Variants in IL16 observed in about 807,000 individuals in gnomAD.
IL16 encodes the protein interleukin 16.
A neutral mutation model predicts 110.1 loss-of-function variants in IL16; 67 were observed. That is an observed-to-expected ratio of 0.61 (90% confidence interval 0.50 to 0.75). The LOEUF (loss-of-function observed/expected upper bound fraction) is 0.75, where lower values mean the gene tolerates loss of function less well. IL16 is among the 30% of genes least tolerant of loss of function. IL16 has a pLI of 0.00. For synonymous variants in IL16, 689 were observed against 662.9 expected (o/e 1.04, Z -0.61); for missense variants, 1,545 against 1,655.0 (o/e 0.93, Z 1.15).
At chr15:81,253,065 C>T (rs1897824200) in intron 2 of IL16, among the ~76,000 whole-genome samples, 1 of 152,110 alleles carries the variant, frequency 6.6e-6, no homozygotes, top group Admixed American at 6.6e-5. Flanking sequence ...TTTCCAAACC[C>T]CCTGCTCCAT....
upstream of IL16, among the ~76,000 whole-genome samples, chr15:81,192,056 T>C (rs1197316360): frequency 6.6e-6 from 1 of 152,194 alleles, no homozygotes; most frequent in African/African-American, 2.4e-5. Flanking sequence ...TCCATAACGC[T>C]ATGCACTTGT....
chr15:81,203,503 G>A (rs1208445927), intron 1 of IL16, among the ~76,000 whole-genome samples: 2 of 151,806 alleles, frequency 1.3e-5, no homozygotes, highest in African/African-American at 4.8e-5. Flanking sequence ...TTTGTATAAG[G>A]TGTAAGGAAG....
chr15:81,185,447 C>T (rs1223720456), intron 1 of IL16, among the ~76,000 whole-genome samples: 1 of 151,394 alleles, frequency 6.6e-6, no homozygotes, highest in Non-Finnish European at 1.5e-5. Context: ...CCTCAACCTC[C>T]TGGGTTCAAG....
chr15:81,189,618 C>A (rs1895468980), intron 1 of IL16, among the ~76,000 whole-genome samples: 2 of 152,090 alleles, frequency 1.3e-5, no homozygotes, highest in South Asian at 4.1e-4. Context: ...GAGGGGGTGT[C>A]AGGGAAGTCT....
intron 11 of IL16, among the ~76,000 whole-genome samples, chr15:81,291,435 A>T (rs1899712305): frequency 6.6e-6 from 1 of 151,882 alleles, no homozygotes. Flanking sequence ...AGGATGCATT[A>T]TTTCATGATC....
Position 81,300,280 on chromosome 15 carries a change from G to T in IL16, c.2954G>T (p.Ser985Ile). ...CETKLLDEKT[S>I]KLYSISSQVS... ...ACGAAGCTACTTGACGAAAAGACCA[G>T]CAAACTCTATTCTATCAGCAGCCAA... The change falls in exon 14 of 19, where the codon AGC (serine) becomes ATC (isoleucine). Residue 985 changes from serine to isoleucine, a missense_variant. By Grantham distance (142) the Ser-to-Ile change is moderately radical. This residue lies in a region of IL16 where 1,185 missense variants were observed against 1,238.8 expected (regional missense o/e 0.96). Coordinates refer to ENST00000683961, the MANE Select transcript of IL16 (RefSeq NM_172217.5). 6.2e-7 allele frequency: 1 copy of T among 1,614,196 alleles called. No homozygotes were observed. Among genetic ancestry groups the T allele is most frequent in the Non-Finnish European group, 8.5e-7 (1 of 1,180,054 alleles).
Position 81,313,359 on chromosome 15 carries a change from A to G in IL16, c.*4561A>G. ...CACGTTCTGTGGGAGGTAACCGCTG[A>G]GGTCGGTATGGAAGAATGTGACCAG... On this transcript the variant is annotated 3_prime_UTR_variant, in exon 19 of 19. Coordinates refer to ENST00000683961, the MANE Select transcript of IL16 (RefSeq NM_172217.5). The G allele has an allele frequency of 6.3e-7, 1 of 1,580,370 alleles. No homozygotes were observed. The highest frequency in any genetic ancestry group is 8.6e-7 in the Non-Finnish European group (1 of 1,163,332).
intron 1 of IL16, among the ~76,000 whole-genome samples, chr15:81,210,124 T>A (rs1896183288): frequency 6.6e-6 from 1 of 152,156 alleles, no homozygotes; most frequent in South Asian, 2.1e-4. Context: ...AAATAAGGAG[T>A]CCTTTCCCCA....
intron 1 of IL16, among the ~76,000 whole-genome samples, chr15:81,215,490 T>C (rs540065377): frequency 6.6e-6 from 1 of 152,262 alleles, no homozygotes; most frequent in African/African-American, 2.4e-5. Context: ...CTCTTTTGTA[T>C]CTCCTCATGT....
At chr15:81,260,170 C>T (rs1898100253) in intron 3 of IL16, among the ~76,000 whole-genome samples, 1 of 152,194 alleles carries the variant, frequency 6.6e-6, no homozygotes, top group African/African-American at 2.4e-5. Flanking sequence ...GGGAAGGCTT[C>T]TGTCTCTTAG....
In IL16 at chr15:81,311,475, C is replaced by G. The variant is rs545524966; in HGVS notation, c.*2677C>G. ...GGATGCATGTTTTCCAGCTCCTCATCCAGGGCTCTGACCAGTTTAACCTGA... is the reference window on the plus strand; with the variant it reads ...GGATGCATGTTTTCCAGCTCCTCATGCAGGGCTCTGACCAGTTTAACCTGA... On this transcript the variant is annotated 3_prime_UTR_variant, in exon 19 of 19. Transcript: ENST00000683961. The G allele has an allele frequency of 6.6e-6, 1 of 152,398 alleles. No homozygotes were observed. Among genetic ancestry groups the G allele is most frequent in the South Asian group, 2.1e-4 (1 of 4,830 alleles). The allele number at this position is 152,398 out of a possible 1,614,324, so 9.4% of individuals were successfully genotyped here.
intron 2 of IL16, among the ~76,000 whole-genome samples, chr15:81,237,557 T>C (rs1483254666): frequency 8.5e-5 from 13 of 152,334 alleles, no homozygotes; most frequent in Non-Finnish European, 1.5e-5. Context: ...GTGTCAATTA[T>C]CAAGTTTAAG....
intron 1 of IL16, among the ~76,000 whole-genome samples, chr15:81,184,489 G>A (rs1895389734): frequency 6.6e-6 from 1 of 152,142 alleles, no homozygotes; most frequent in Non-Finnish European, 1.5e-5. Flanking sequence ...CATTGCTTGT[G>A]GGCTGCCCCT....
intron 8 of IL16, among the ~76,000 whole-genome samples, chr15:81,280,819 G>A (rs575928058): frequency 3.3e-5 from 5 of 152,324 alleles, no homozygotes; most frequent in Middle Eastern, 3.4e-3. Context: ...AGACAAGTCT[G>A]TGCTGGCATG....
chr15:81,229,207 T>C (rs1008397399), intron 2 of IL16, among the ~76,000 whole-genome samples: 9 of 152,166 alleles, frequency 5.9e-5, no homozygotes, highest in African/African-American at 2.2e-4. Context: ...GGATCATTCT[T>C]ATTTCTGATG....
At chr15:81,244,637 G>A (rs896894189) in intron 2 of IL16, among the ~76,000 whole-genome samples, 8 of 152,044 alleles carry the variant, frequency 5.3e-5, no homozygotes, top group African/African-American at 1.9e-4. Context: ...AGTTTTTAAA[G>A]TTAAATTATA....
intron 7 of IL16, 71 bp downstream of exon 7, chr15:81,278,961 C>G (rs1899041253): frequency 1.0e-6 from 1 of 995,202 alleles, no homozygotes; most frequent in Non-Finnish European, 1.6e-6. Context: ...TCTCAGCATC[C>G]AAACCTACAA....
chr15:81,288,645 A>C (rs1899560057), intron 10 of IL16, among the ~76,000 whole-genome samples: 1 of 152,138 alleles, frequency 6.6e-6, no homozygotes, highest in African/African-American at 2.4e-5. Flanking sequence ...CCTGGGAACC[A>C]CCATTTTACT....
Position 81,299,444 on chromosome 15 carries a change from T to C in IL16, c.2118T>C (p.Phe706=). The C allele has an allele frequency of 6.2e-7, 1 of 1,614,150 alleles. No individual in the cohort carries two copies. Among genetic ancestry groups the C allele is most frequent in the Non-Finnish European group, 8.5e-7 (1 of 1,180,036 alleles). Residue 706 remains phenylalanine (F), a synonymous_variant, in exon 14 of 19, where the codon TTT becomes TTC. Transcript: ENST00000683961. ...LKRQARMDYS[F]DTTAEDPWVR... is the part of the protein sequence containing the mutation. The stretch of plus-strand genomic sequence containing the variant: ...GGCAGGCTCGGATGGACTATAGCTT[T>C]GATACCACAGCCGAAGACCCTTGGG...
Sources: gnomAD v4.1 joint callset for allele counts (sites outside exome capture counted in the v4.1 genomes callset) on GRCh38, gnomAD v4.1.1 for gene constraint, gnomAD v4.1.1 regional missense constraint, MANE v1.5 for transcripts, NCBI Gene and HGNC (gene_info 2026-07-23, HGNC 2026-07-21) for gene names.